The following C8orf34 variants were observed in gnomAD, a reference collection of about 807,000 sequenced individuals.
C8orf34 encodes the protein uncharacterized protein C8orf34.
C8orf34 carries 65 observed loss-of-function variants against 68.3 expected under a neutral mutation model. The ratio of observed to expected loss-of-function variants is 0.95; its 90% CI spans 0.78 to 1.17. The LOEUF is 1.17. Ranked by LOEUF, C8orf34 falls within the 50% of genes most tolerant of loss-of-function variation. The pLI is 0.00. For missense variants in C8orf34, 664 were observed against 655.4 expected, an observed-to-expected ratio of 1.01 and a Z score of -0.14; for synonymous variants, 244 against 241.2, an observed-to-expected ratio of 1.01 and a Z score of -0.11.
intron 11 of C8orf34, among the ~76,000 whole-genome samples, chr8:68,780,404 A>G (rs995156094): frequency 6.6e-6 from 1 of 152,248 alleles, no homozygotes; most frequent in African/African-American, 2.4e-5. Context: ...AAGATGAAGT[A>G]CAATCCCAAA....
chr8:68,392,742 A>G (rs1586042631), intron 1 of C8orf34, among the ~76,000 whole-genome samples: 1 of 152,090 alleles, frequency 6.6e-6, no homozygotes, highest in South Asian at 2.1e-4. Context: ...TTCTCAATCT[A>G]TTCTTGGTTT....
chr8:68,368,232 G>T (rs1051466038), intron 1 of C8orf34, among the ~76,000 whole-genome samples: 3 of 152,066 alleles, frequency 2.0e-5, no homozygotes, highest in African/African-American at 4.8e-5. Context: ...TTTTAAATGT[G>T]CACCTAGAAC....
chr8:68,636,416 A>G (rs1424110592), intron 7 of C8orf34, among the ~76,000 whole-genome samples: 1 of 151,742 alleles, frequency 6.6e-6, no homozygotes, highest in Non-Finnish European at 1.5e-5. Context: ...TCTACTAAAA[A>G]AAAAAAAAAA....
intron 8 of C8orf34, among the ~76,000 whole-genome samples, chr8:68,655,933 T>C (rs553051328): frequency 6.6e-6 from 1 of 152,300 alleles, no homozygotes; most frequent in East Asian, 1.9e-4. Flanking sequence ...GGAAACTGCT[T>C]TTCAATTCCT....
At chr8:68,644,756 G>A (rs1819114880) in intron 8 of C8orf34, among the ~76,000 whole-genome samples, 1 of 152,184 alleles carries the variant, frequency 6.6e-6, no homozygotes, top group African/African-American at 2.4e-5. Context: ...GCAGTCTTGA[G>A]AGCCAGGTAA....
intron 7 of C8orf34, among the ~76,000 whole-genome samples, chr8:68,564,001 A>G (rs886711677): frequency 1.8e-4 from 28 of 152,220 alleles, no homozygotes; most frequent in Non-Finnish European, 2.9e-4. Flanking sequence ...TGAAAAAGAA[A>G]TATCTGTACT....
chr8:68,606,570 G>T (rs1372846413), intron 7 of C8orf34, among the ~76,000 whole-genome samples: 1 of 152,074 alleles, frequency 6.6e-6, no homozygotes, highest in Non-Finnish European at 1.5e-5. Flanking sequence ...AAGCTAAATT[G>T]TACTTGTTGG....
At chr8:68,779,983 C>T (rs991831371) in intron 11 of C8orf34, among the ~76,000 whole-genome samples, 1 of 152,026 alleles carries the variant, frequency 6.6e-6, no homozygotes, top group African/African-American at 2.4e-5. Flanking sequence ...ATTTATTTAA[C>T]TGATAAATTA....
chr8:68,355,718 A>G (rs894898209), intron 1 of C8orf34, among the ~76,000 whole-genome samples: 1 of 152,086 alleles, frequency 6.6e-6, no homozygotes, highest in Non-Finnish European at 1.5e-5. Context: ...GGGCAGGGCA[A>G]AGTGTACGTG....
intron 8 of C8orf34, among the ~76,000 whole-genome samples, chr8:68,645,813 C>A (rs1819152368): frequency 6.6e-6 from 1 of 152,162 alleles, no homozygotes; most frequent in Non-Finnish European, 1.5e-5. Context: ...TTTCCTTAAT[C>A]TTTTTTTCAA....
chr8:68,558,092 T>G (rs1245585536), intron 7 of C8orf34, among the ~76,000 whole-genome samples: 2 of 152,222 alleles, frequency 1.3e-5, no homozygotes, highest in African/African-American at 2.4e-5. Flanking sequence ...GTACTTCATC[T>G]GGCTTTCATC....
chr8:68,505,697 G>C (rs1419246451), intron 5 of C8orf34, among the ~76,000 whole-genome samples: 1 of 142,198 alleles, frequency 7.0e-6, no homozygotes, highest in Non-Finnish European at 1.5e-5. Context: ...CGCCACTGCA[G>C]TCCGCAGTCC....
intron 7 of C8orf34, among the ~76,000 whole-genome samples, chr8:68,638,295 G>C (rs1388233304): frequency 6.6e-6 from 1 of 150,422 alleles, no homozygotes; most frequent in Non-Finnish European, 1.5e-5. Context: ...GATTATCTGA[G>C]TAAAGCTAGA....
chr8:68,749,941 T>G (rs1017489760), intron 10 of C8orf34, among the ~76,000 whole-genome samples: 2 of 152,218 alleles, frequency 1.3e-5, no homozygotes, highest in African/African-American at 4.8e-5. Flanking sequence ...AAGATTTTTA[T>G]GCAAATCTTT....
chr8:68,362,332 A>G (rs956472662), intron 1 of C8orf34, among the ~76,000 whole-genome samples: 1 of 152,210 alleles, frequency 6.6e-6, no homozygotes, highest in Admixed American at 6.5e-5. Flanking sequence ...TCATCATTAA[A>G]ACCAAGATTA....
At chr8:68,470,554 T>C in intron 4 of C8orf34, among the ~76,000 whole-genome samples, 1 of 152,132 alleles carries the variant, frequency 6.6e-6, no homozygotes, top group African/African-American at 2.4e-5. Context: ...AACCTGGCTG[T>C]GGCCTTCCAG....
intron 7 of C8orf34, among the ~76,000 whole-genome samples, chr8:68,612,871 A>C (rs996656589): frequency 9.2e-5 from 14 of 152,156 alleles, no homozygotes; most frequent in Admixed American, 3.9e-4. Context: ...ATAAATTTAA[A>C]TAATAACAGT....
At chr8:68,462,459 A>G (rs1189408680) in intron 3 of C8orf34, among the ~76,000 whole-genome samples, 4 of 151,472 alleles carry the variant, frequency 2.6e-5, no homozygotes, top group African/African-American at 9.7e-5. Context: ...CATCTACAGA[A>G]CTCTCCACCC....
intron 7 of C8orf34, among the ~76,000 whole-genome samples, chr8:68,640,045 G>A (rs1818958706): frequency 1.3e-5 from 2 of 152,182 alleles, no homozygotes; most frequent in South Asian, 4.1e-4. Flanking sequence ...TGACCATTTA[G>A]GGCTGATTGC....
Sources: gnomAD v4.1 joint callset for allele counts (sites outside exome capture counted in the v4.1 genomes callset) on GRCh38, gnomAD v4.1.1 for gene constraint, MANE v1.5 for transcripts, NCBI Gene and HGNC (gene_info 2026-07-23, HGNC 2026-07-21) for gene names.